Variants in RAPGEF5 observed in about 807,000 individuals in gnomAD.
RAPGEF5 encodes the protein Rap guanine nucleotide exchange factor 5.
In RAPGEF5, 65 loss-of-function variants were observed where a neutral mutation model predicts 125.2. The observed-to-expected ratio is 0.52, with a 90% CI of 0.43 to 0.64. RAPGEF5 has a LOEUF of 0.64. Ranked by LOEUF, RAPGEF5 falls within the 30% of genes least tolerant of loss-of-function variation. The pLI, the probability that RAPGEF5 is intolerant of heterozygous loss-of-function variation, is 0.00. For synonymous variants in RAPGEF5, 391 were observed against 385.9 expected, an observed-to-expected ratio of 1.01 and a Z score of -0.16; for missense variants, 958 against 1,048.1, an observed-to-expected ratio of 0.91 and a Z score of 1.19.
intron 1 of RAPGEF5, among the ~76,000 whole-genome samples, chr7:22,318,804 T>C (rs1477957528): frequency 6.6e-6 from 1 of 152,180 alleles, no homozygotes; most frequent in Non-Finnish European, 1.5e-5. Context: ...CGCTCCTCTT[T>C]AGAGCTCTGT....
At chr7:22,324,304 G>T (rs1398348680) in intron 1 of RAPGEF5, among the ~76,000 whole-genome samples, 1 of 152,178 alleles carries the variant, frequency 6.6e-6, no homozygotes, top group Non-Finnish European at 1.5e-5. Context: ...AATTGTCAAG[G>T]TTAACAGGGA....
chr7:22,157,117 C>T (rs1783835704), intron 15 of RAPGEF5, among the ~76,000 whole-genome samples: 1 of 152,150 alleles, frequency 6.6e-6, no homozygotes, highest in African/African-American at 2.4e-5. Context: ...AGGCCAAAAG[C>T]CCCTATATTT....
rs546520787 is a variant in RAPGEF5, at chr7:22,182,010, C to T, written c.1204+11357G>A. Among the ~76,000 whole-genome samples, 41 of 152,282 alleles carry T rather than the reference C, an allele frequency of 2.7e-4. No individual in the cohort carries two copies. In the South Asian group the frequency reaches 4.1e-3, roughly 15 times the overall value. ...TGAAGCAATAATTGATTGAAACATGCTGTGAGAGATTAACATGCAGTGACT... is the reference window on the plus strand; with the variant it reads ...TGAAGCAATAATTGATTGAAACATGTTGTGAGAGATTAACATGCAGTGACT... On this transcript the variant is annotated intron_variant, in intron 11 of 25. Transcript: ENST00000665637.
At chr7:22,261,415 CA>C (rs1431541463) in intron 7 of RAPGEF5, among the ~76,000 whole-genome samples, 1 of 151,978 alleles carries the variant, frequency 6.6e-6, no homozygotes, top group Non-Finnish European at 1.5e-5. Context: ...GCCTGAACAA[CA>C]AAGCAAAACC....
At chr7:22,137,767 T>C (rs531026454) in intron 21 of RAPGEF5, among the ~76,000 whole-genome samples, 5 of 152,276 alleles carry the variant, frequency 3.3e-5, no homozygotes, top group South Asian at 4.1e-4. Context: ...TAGAGACCAC[T>C]CATGAAAAGT....
chr7:22,341,986 G>T (rs1309606618), intron 1 of RAPGEF5, among the ~76,000 whole-genome samples: 1 of 152,154 alleles, frequency 6.6e-6, no homozygotes, highest in African/African-American at 2.4e-5. Flanking sequence ...CCCCAGTAGG[G>T]ACTCTGTTTA....
chr7:22,152,780 G>T (rs1783669971), intron 17 of RAPGEF5, among the ~76,000 whole-genome samples: 1 of 152,156 alleles, frequency 6.6e-6, no homozygotes, highest in South Asian at 2.1e-4. Context: ...TTAAGCTTTT[G>T]AGATTGTTTT....
At chr7:22,342,938 C>T (rs372369638) in intron 1 of RAPGEF5, among the ~76,000 whole-genome samples, 19 of 152,222 alleles carry the variant, frequency 1.2e-4, no homozygotes, top group African/African-American at 4.6e-4. Context: ...GCCTGTTACC[C>T]AGTTCCAAAG....
chr7:22,147,889 A>T (rs375067703), intron 18 of RAPGEF5, among the ~76,000 whole-genome samples: 1 of 152,256 alleles, frequency 6.6e-6, no homozygotes, highest in Non-Finnish European at 1.5e-5. Context: ...CCAGGTGCCA[A>T]ATATTAATCA....
intron 6 of RAPGEF5, among the ~76,000 whole-genome samples, chr7:22,287,829 T>C (rs1485169118): frequency 6.6e-6 from 1 of 152,244 alleles, no homozygotes; most frequent in Non-Finnish European, 1.5e-5. Context: ...AACAATGGAA[T>C]TTTAGAACTT....
chr7:22,302,666 C>T (rs1009125914), intron 5 of RAPGEF5, among the ~76,000 whole-genome samples: 3 of 152,218 alleles, frequency 2.0e-5, no homozygotes, highest in East Asian at 1.9e-4. Context: ...GGGAGAAATA[C>T]AGAGACTGGG....
intron 5 of RAPGEF5, among the ~76,000 whole-genome samples, chr7:22,303,684 A>C (rs1439427550): frequency 2.0e-5 from 3 of 152,234 alleles, no homozygotes; most frequent in Non-Finnish European, 4.4e-5. Flanking sequence ...AAATGAATGG[A>C]CAATGTAAGA....
At chr7:22,173,665 A>G (rs1001090058) in intron 11 of RAPGEF5, among the ~76,000 whole-genome samples, 5 of 152,246 alleles carry the variant, frequency 3.3e-5, no homozygotes, top group African/African-American at 1.2e-4. Flanking sequence ...ATTTGAATAC[A>G]ACAGGTATTC....
chr7:22,269,096 C>A (rs1177787504), intron 6 of RAPGEF5, among the ~76,000 whole-genome samples: 1 of 150,706 alleles, frequency 6.6e-6, no homozygotes, highest in African/African-American at 2.4e-5. Context: ...TGAACCTCTG[C>A]CATGGGAGGA....
chr7:22,253,999 G>A (rs571973089), intron 7 of RAPGEF5, among the ~76,000 whole-genome samples: 2 of 152,064 alleles, frequency 1.3e-5, no homozygotes, highest in Non-Finnish European at 2.9e-5. Flanking sequence ...CATGAAAAAG[G>A]GAAAGCCTTA....
intron 7 of RAPGEF5, among the ~76,000 whole-genome samples, chr7:22,263,738 A>C (rs1177230358): frequency 6.9e-6 from 1 of 144,900 alleles, no homozygotes; most frequent in Non-Finnish European, 1.5e-5. Flanking sequence ...TCAAAAAAAC[A>C]AAAAACAAAA....
chr7:22,286,965 G>T (rs1192139292), intron 6 of RAPGEF5, among the ~76,000 whole-genome samples: 3 of 152,234 alleles, frequency 2.0e-5, no homozygotes, highest in African/African-American at 7.2e-5. Context: ...TCGATGAAAA[G>T]AGGTTTCCAA....
At position 22,156,779 on chromosome 7, in the gene RAPGEF5, C is replaced by T. The variant is rs547971543; in HGVS notation, c.1636+31G>A. 1.9e-5 allele frequency: 31 copies of T among 1,612,424 alleles called. No individual in the cohort carries two copies. In the Admixed American group the frequency reaches 2.8e-4, roughly 15 times the overall value. On this transcript the variant is annotated intron_variant, in intron 16 of 25. Transcript: ENST00000665637. ...AAAAATGGTGGCTAACTGCTGCCCA[C>T]CCCCAAACCCTCACTTCAAACCATA...
At chr7:22,243,414 G>A (rs1786391128) in intron 7 of RAPGEF5, among the ~76,000 whole-genome samples, 1 of 152,008 alleles carries the variant, frequency 6.6e-6, no homozygotes, top group Non-Finnish European at 1.5e-5. Context: ...CCACCATCAT[G>A]CCCAGCTAAT....
Sources: gnomAD v4.1 joint callset for allele counts (sites outside exome capture counted in the v4.1 genomes callset) on GRCh38, gnomAD v4.1.1 for gene constraint, MANE v1.5 for transcripts, NCBI Gene and HGNC (gene_info 2026-07-23, HGNC 2026-07-21) for gene names.